The following SNTG2 variants were observed in gnomAD, a reference collection of about 807,000 sequenced individuals.
SNTG2 encodes the protein gamma-2-syntrophin.
A neutral mutation model predicts 70.9 loss-of-function variants in SNTG2; 74 were observed. The observed-to-expected ratio is 1.04, with a 90% CI of 0.86 to 1.27. The LOEUF (loss-of-function observed/expected upper bound fraction) is 1.27, where lower values mean the gene tolerates loss of function less well. SNTG2 is among the 50% of genes most tolerant of loss of function. The pLI is 0.00. For missense variants in SNTG2, 717 were observed against 690.7 expected, an observed-to-expected ratio of 1.04 and a Z score of -0.43; for synonymous variants, 278 against 273.8, an observed-to-expected ratio of 1.02 and a Z score of -0.15.
chr2:1,313,350 A>T (rs769703614), intron 15 of SNTG2, among the ~76,000 whole-genome samples: 1 of 152,230 alleles, frequency 6.6e-6, no homozygotes, highest in Non-Finnish European at 1.5e-5. Flanking sequence ...TATCTGTGCC[A>T]CGGGAGGATG....
chr2:958,664 A>G (rs1355215808), intron 1 of SNTG2, among the ~76,000 whole-genome samples: 5 of 152,080 alleles, frequency 3.3e-5, no homozygotes, highest in Non-Finnish European at 7.4e-5. Context: ...TTTGTAACCA[A>G]AATACATTAT....
At chr2:1,304,422 A>G (rs1399273631) in intron 14 of SNTG2, among the ~76,000 whole-genome samples, 1 of 152,156 alleles carries the variant, frequency 6.6e-6, no homozygotes, top group East Asian at 1.9e-4. Flanking sequence ...TGGTGTTCAG[A>G]ACACAGAAAA....
chr2:1,238,238 G>A (rs1676814115), intron 10 of SNTG2, among the ~76,000 whole-genome samples: 1 of 151,890 alleles, frequency 6.6e-6, no homozygotes, highest in Non-Finnish European at 1.5e-5. Flanking sequence ...TTTCCCATCT[G>A]GTTTTGTCTT....
At chr2:1,184,454 A>G (rs937067791) in intron 8 of SNTG2, among the ~76,000 whole-genome samples, 2 of 152,246 alleles carry the variant, frequency 1.3e-5, no homozygotes, top group Non-Finnish European at 2.9e-5. Flanking sequence ...TCACACTGCT[A>G]TAAAGAAGTA....
chr2:1,043,518 C>T (rs1040273716), intron 1 of SNTG2, among the ~76,000 whole-genome samples: 1 of 151,988 alleles, frequency 6.6e-6, no homozygotes, highest in Non-Finnish European at 1.5e-5. Context: ...ATAGTATTTC[C>T]AAGTTTCTTC....
intron 6 of SNTG2, among the ~76,000 whole-genome samples, chr2:1,143,056 C>T (rs951065539): frequency 2.0e-5 from 3 of 152,118 alleles, no homozygotes; most frequent in Admixed American, 6.5e-5. Flanking sequence ...ATTCTAGGAC[C>T]TCTGGGCAAC....
intron 14 of SNTG2, among the ~76,000 whole-genome samples, chr2:1,292,943 T>A (rs1277287522): frequency 6.6e-6 from 1 of 152,194 alleles, no homozygotes; most frequent in Non-Finnish European, 1.5e-5. Context: ...TTTAAATGTT[T>A]GGTAGAATTC....
intron 1 of SNTG2, among the ~76,000 whole-genome samples, chr2:1,000,749 A>T (rs990995537): frequency 2.0e-5 from 3 of 151,798 alleles, no homozygotes; most frequent in Non-Finnish European, 4.4e-5. Flanking sequence ...GGAAGGACTC[A>T]TTTCTCACTC....
Position 950,942 on chromosome 2 carries a change from G to A in SNTG2, c.-55G>A. The A allele has an allele frequency of 1.0e-6, 1 of 957,364 alleles. No homozygotes were observed. The highest frequency in any genetic ancestry group is 1.3e-6 in the Non-Finnish European group (1 of 746,392). 59.3% of individuals were successfully genotyped at this position (957,364 alleles called of 1,614,324 possible). A position where few individuals can be genotyped will look rare whatever the true frequency, so the allele number is the denominator to read the frequency against. ...CGGGGCCCTGGGAGGCTCGGACGGGGTCCTGGCGTTGAGCTCGGCCGGCCC... is the reference window on the plus strand; with the variant it reads ...CGGGGCCCTGGGAGGCTCGGACGGGATCCTGGCGTTGAGCTCGGCCGGCCC... On this transcript the variant is annotated 5_prime_UTR_variant, in exon 1 of 17. Transcript: ENST00000308624.
chr2:1,297,645 G>C (rs973932594), intron 14 of SNTG2, among the ~76,000 whole-genome samples: 2 of 152,222 alleles, frequency 1.3e-5, no homozygotes, highest in Admixed American at 6.5e-5. Flanking sequence ...CGCATCCGCA[G>C]TTCCTTCCTG....
chr2:1,133,034 C>T (rs763458624), intron 4 of SNTG2, among the ~76,000 whole-genome samples: 28 of 152,158 alleles, frequency 1.8e-4, no homozygotes, highest in Non-Finnish European at 3.1e-4. Flanking sequence ...CAGACATGCA[C>T]AGGTGTTGAA....
intron 6 of SNTG2, among the ~76,000 whole-genome samples, chr2:1,162,688 C>A (rs568308961): frequency 6.6e-6 from 1 of 152,206 alleles, no homozygotes; most frequent in Admixed American, 6.5e-5. Flanking sequence ...CGTCATGAAC[C>A]TCGTTTATCA....
intron 1 of SNTG2, among the ~76,000 whole-genome samples, chr2:1,056,378 G>A (rs1156895815): frequency 1.4e-5 from 1 of 72,066 alleles, no homozygotes. Context: ...GAGGGAGAGG[G>A]CGGCGCCCCG....
chr2:1,225,507 C>A (rs1369865010), intron 9 of SNTG2, among the ~76,000 whole-genome samples: 1 of 152,080 alleles, frequency 6.6e-6, no homozygotes, highest in Non-Finnish European at 1.5e-5. Context: ...GGTGGAATTG[C>A]GCATCCTTGT....
At chr2:1,201,054 TGAAAG>T (rs1673245694) in intron 8 of SNTG2, among the ~76,000 whole-genome samples, 2 of 152,024 alleles carry the variant, frequency 1.3e-5, no homozygotes, top group African/African-American at 4.8e-5. Flanking sequence ...GGGTATTTAT[TGAAAG>T]GAAAGGAAAT....
intron 1 of SNTG2, among the ~76,000 whole-genome samples, chr2:985,423 C>G (rs1661272479): frequency 6.6e-6 from 1 of 151,650 alleles, no homozygotes; most frequent in African/African-American, 2.4e-5. Context: ...TTTTTCTTTC[C>G]TAGGAAGTGG....
At chr2:997,418 T>C (rs57439328) in intron 1 of SNTG2, among the ~76,000 whole-genome samples, 69,940 of 152,026 alleles carry the variant, frequency 0.46, 16,604 homozygotes, top group Middle Eastern at 0.6. Context: ...GATGTAGGAT[T>C]GTGCAGATAA....
chr2:1,091,829 C>T (rs935696809), intron 2 of SNTG2, among the ~76,000 whole-genome samples: 1 of 152,208 alleles, frequency 6.6e-6, no homozygotes, highest in Admixed American at 6.5e-5. Flanking sequence ...AGCAAATATG[C>T]ACAAGAGTTT....
At chr2:1,005,664 C>T (rs536630789) in intron 1 of SNTG2, among the ~76,000 whole-genome samples, 2 of 150,862 alleles carry the variant, frequency 1.3e-5, no homozygotes, top group East Asian at 2.0e-4. Flanking sequence ...ATTAGCCAGG[C>T]GTGGTGACAT....
Sources: gnomAD v4.1 joint callset for allele counts (sites outside exome capture counted in the v4.1 genomes callset) on GRCh38, gnomAD v4.1.1 for gene constraint, MANE v1.5 for transcripts, NCBI Gene and HGNC (gene_info 2026-07-23, HGNC 2026-07-21) for gene names.